The following NCAPH2 variants were observed in gnomAD, a reference collection of about 807,000 sequenced individuals.
The protein encoded by NCAPH2 is condensin-2 complex subunit H2.
Under a neutral mutation model 88.6 loss-of-function variants are expected in NCAPH2, and 56 were observed. The observed-to-expected ratio is 0.63, with a 90% CI of 0.51 to 0.79. The LOEUF (loss-of-function observed/expected upper bound fraction) is 0.79. Among genes scored for constraint, NCAPH2 ranks in the 30% least tolerant of loss-of-function variants. The pLI is 0.00. For missense variants in NCAPH2, 794 were observed against 792.0 expected, an observed-to-expected ratio of 1.00 and a Z score of -0.03; for synonymous variants, 378 against 313.6, an observed-to-expected ratio of 1.21 and a Z score of -2.17.
At position 50,516,486 on chromosome 22, in the gene NCAPH2, A is replaced by G. The variant is rs1200062958; in HGVS notation, c.148A>G (p.Thr50Ala). Residue 50 changes from threonine to alanine, a missense_variant, in exon 2 of 20, where the codon ACA becomes GCA. Physicochemically the swap from Thr to Ala is moderately conservative, Grantham distance 58. Transcript: ENST00000420993. ...CATTTCTTTTGACGAAGGCAAGACC[A>G]CAATGAACTTCATTGAGGCAGCGTT... Reference protein sequence around the residue: ...ICISFDEGKTTMNFIEAALLI... With the variant: ...ICISFDEGKTAMNFIEAALLI... The G allele has an allele frequency of 1.2e-6, 2 of 1,614,066 alleles. No individual in the cohort carries two copies. Among genetic ancestry groups the G allele is most frequent in the South Asian group, 1.1e-5 (1 of 91,086 alleles).
intron 1 of NCAPH2, among the ~76,000 whole-genome samples, chr22:50,511,647 AT>A (rs131821): frequency 3.6e-4 from 46 of 127,620 alleles, no homozygotes; most frequent in African/African-American, 3.7e-4. Context: ...CGCCTGGCTA[AT>A]TTTTTTTTTT....
intron 2 of NCAPH2, 111 bp downstream of exon 2, chr22:50,516,659 T>C (rs2068933436): frequency 2.3e-6 from 2 of 865,204 alleles, no homozygotes; most frequent in Non-Finnish European, 3.7e-6. Flanking sequence ...TACCTCCCTC[T>C]CTCCTCAGGT....
At chr22:50,509,320 C>G (rs1356885237) in intron 1 of NCAPH2, among the ~76,000 whole-genome samples, 1 of 152,178 alleles carries the variant, frequency 6.6e-6, no homozygotes, top group Non-Finnish European at 1.5e-5. Context: ...TCCAGCTGCT[C>G]TCTTGACATC....
rs202114802 is a variant in NCAPH2, at chr22:50,515,647, C to T, written c.109-800C>T. On this transcript the variant is annotated intron_variant, in intron 1 of 19. Coordinates refer to ENST00000420993, the MANE Select transcript of NCAPH2 (RefSeq NM_152299.4). ...TCCTGACCTCATGATCTGCCCGCCT[C>T]GGCCTCCCAAAGTGCTGGGATTACA... The T allele has an allele frequency of 1.1e-4, 127 of 1,147,540 alleles. No homozygotes were observed. The African/African-American group carries it at 1.4e-3, about 12-fold the overall frequency. 71.1% of individuals were successfully genotyped at this position (1,147,540 alleles called of 1,614,324 possible). A position where few individuals can be genotyped will look rare whatever the true frequency, so the allele number is the denominator to read the frequency against.
chr22:50,514,963 C>T (rs1012400002), intron 1 of NCAPH2, among the ~76,000 whole-genome samples: 6 of 152,244 alleles, frequency 3.9e-5, no homozygotes, highest in African/African-American at 1.4e-4. Flanking sequence ...TAGCTGCCTT[C>T]ACGTTCCCTT....
rs1435426639 is a variant in NCAPH2, at chr22:50,524,665, C to T, written c.*1290C>T. 12 of 688,710 alleles carry T rather than the reference C, an allele frequency of 1.7e-5. No homozygotes were observed. The highest frequency in any genetic ancestry group is 3.3e-5 in the Non-Finnish European group (12 of 366,878). The allele number at this position is 688,710 out of a possible 1,614,324, so 42.7% of individuals were successfully genotyped here. ...ATCACCAGCCTGTCACCGCACCCTG[C>T]CCTGCACCTGCACCTCAGCAAGGTG... On this transcript the variant is annotated 3_prime_UTR_variant, in exon 20 of 20. Coordinates refer to ENST00000420993, the MANE Select transcript of NCAPH2 (RefSeq NM_152299.4).
intron 1 of NCAPH2, among the ~76,000 whole-genome samples, chr22:50,510,030 T>G (rs1603440224): frequency 6.6e-6 from 1 of 152,228 alleles, no homozygotes; most frequent in African/African-American, 2.4e-5. Context: ...GTTCACATCA[T>G]TCTGCCTCAG....
Position 50,522,818 on chromosome 22 carries a change from T to C in NCAPH2, c.1426-3T>C. 1 of 1,613,098 alleles carries C rather than the reference T, an allele frequency of 6.2e-7. No homozygotes were observed. The highest frequency in any genetic ancestry group is 8.5e-7 in the Non-Finnish European group (1 of 1,179,862). The stretch of plus-strand genomic sequence containing the variant: ...GCAGTAGCTCCTGCTGATCCTCCCC[T>C]AGGAGCTCTTCATCGCCACCTCCCA... On this transcript the variant is annotated splice_region_variant and splice_polypyrimidine_tract_variant and intron_variant, in intron 17 of 19. Coordinates refer to ENST00000420993, the MANE Select transcript of NCAPH2 (RefSeq NM_152299.4).
At position 50,523,889 on chromosome 22, in the gene NCAPH2, C is replaced by T; in HGVS notation, c.*514C>T. 1.9e-6 allele frequency: 3 copies of T among 1,613,900 alleles called. No individual in the cohort carries two copies. The highest frequency in any genetic ancestry group is 2.5e-6 in the Non-Finnish European group (3 of 1,180,014). ...TCCTGGACGTAGCGGGCCATGGCTT[C>T]AACGTCGTCCCGCTCGGGGTCCACA... is the stretch of plus-strand genomic sequence containing the variant. On this transcript the variant is annotated 3_prime_UTR_variant, in exon 20 of 20. Transcript: ENST00000420993.
At position 50,523,655 on chromosome 22, in the gene NCAPH2, T is replaced by TGTCTGAG; in HGVS notation, c.*281_*287dup. On this transcript the variant is annotated 3_prime_UTR_variant, in exon 20 of 20. Coordinates refer to ENST00000420993, the MANE Select transcript of NCAPH2 (RefSeq NM_152299.4). Reference sequence around the variant, plus strand: ...AAAGCCGCCATGTGCCGCCGCACACTGTCTGAGATCTGCTCAGCCGATCTG... The same window carrying TGTCTGAG: ...AAAGCCGCCATGTGCCGCCGCACACTGTCTGAGGTCTGAGATCTGCTCAGCCGATCTG... The TGTCTGAG allele has an allele frequency of 1.8e-5, 29 of 1,613,896 alleles. No homozygotes were observed. The highest frequency in any genetic ancestry group is 2.5e-5 in the Non-Finnish European group (29 of 1,179,930).
intron 1 of NCAPH2, among the ~76,000 whole-genome samples, chr22:50,510,517 T>G (rs1175682324): frequency 1.3e-5 from 2 of 152,090 alleles, no homozygotes; most frequent in South Asian, 4.2e-4. Flanking sequence ...AACCTCCGAC[T>G]CCCAGGTTCA....
At position 50,524,360 on chromosome 22, in the gene NCAPH2, T is replaced by TGAGCTGAGA; in HGVS notation, c.*990_*998dup. ...AGGGTCCCAGGGAGGACCCGAGGCTTGAGCTGAGAGAGCCTGTGCCAAGCT... is the reference window on the plus strand; with the variant it reads ...AGGGTCCCAGGGAGGACCCGAGGCTTGAGCTGAGAGAGCTGAGAGAGCCTGTGCCAAGCT... On this transcript the variant is annotated 3_prime_UTR_variant, in exon 20 of 20. Coordinates refer to ENST00000420993, the MANE Select transcript of NCAPH2 (RefSeq NM_152299.4). The TGAGCTGAGA allele has an allele frequency of 6.2e-7, 1 of 1,602,204 alleles. No homozygotes were observed. Among genetic ancestry groups the TGAGCTGAGA allele is most frequent in the South Asian group, 1.1e-5 (1 of 91,080 alleles).
intron 2 of NCAPH2, 85 bp downstream of exon 2, chr22:50,516,633 C>T (rs539900713): frequency 5.3e-5 from 67 of 1,266,538 alleles, no homozygotes; most frequent in African/African-American, 2.4e-4. Flanking sequence ...GTGCAGTGGT[C>T]GTCCCGTCTG....
In NCAPH2 at chr22:50,523,403, G is replaced by A; in HGVS notation, c.*28G>A. On this transcript the variant is annotated 3_prime_UTR_variant, in exon 20 of 20. Transcript: ENST00000420993. ...GGGGAGCACCGAGGCAGGGGTGGGGGAATGTGTACTGAGGAGCCGTGTGTC... is the reference window on the plus strand; with the variant it reads ...GGGGAGCACCGAGGCAGGGGTGGGGAAATGTGTACTGAGGAGCCGTGTGTC... 1.3e-6 allele frequency: 2 copies of A among 1,531,346 alleles called. No homozygotes were observed. Among genetic ancestry groups the A allele is most frequent in the South Asian group, 1.2e-5 (1 of 82,544 alleles). 94.9% of individuals were successfully genotyped at this position (1,531,346 alleles called of 1,614,324 possible).
At chr22:50,521,634 C>T in intron 11 of NCAPH2, 25 bp downstream of exon 11, 2 of 1,612,490 alleles carry the variant, frequency 1.2e-6, no homozygotes, top group South Asian at 1.1e-5. Context: ...GGTACCTCCA[C>T]TCAGGTACCC....
rs151334555 is a variant in NCAPH2, at chr22:50,517,121, C to T, written c.211-306C>T. On this transcript the variant is annotated intron_variant, in intron 2 of 19. Transcript: ENST00000420993. ...CACGAGGGGCCTCACCACCAAGGAC[C>T]GTGTGATGAGGCACACTGTGGGAAC... Among the ~76,000 whole-genome samples, 124 of 152,282 alleles carry T rather than the reference C, an allele frequency of 8.1e-4. 2 individuals are homozygous for T. The East Asian group carries it at 0.017, about 21-fold the overall frequency.
Position 50,519,157 on chromosome 22 carries a change from T to G in NCAPH2, c.731-33T>G, listed in dbSNP as rs749109464. 32 of 1,571,414 alleles carry G rather than the reference T, an allele frequency of 2.0e-5. No individual in the cohort carries two copies. The South Asian group carries it at 3.5e-4, about 17-fold the overall frequency. On this transcript the variant is annotated intron_variant, in intron 8 of 19. Transcript: ENST00000420993. The stretch of plus-strand genomic sequence containing the variant: ...TGGTGCCGTCTGGTCTCGGCACTCC[T>G]TGGAGCTGATCACTCTCTTGCTCCC...
In NCAPH2 at chr22:50,518,066, C is replaced by T; in HGVS notation, c.500+14C>T. ...TCCCCTGTACAGGTAGGGATCTGAG[C>T]CCAGCGACGGGGAGGGAGGCCTGCC... On this transcript the variant is annotated intron_variant, in intron 6 of 19. Coordinates refer to ENST00000420993, the MANE Select transcript of NCAPH2 (RefSeq NM_152299.4). 1 of 1,613,658 alleles carries T rather than the reference C, an allele frequency of 6.2e-7. No homozygotes were observed. Among genetic ancestry groups the T allele is most frequent in the Non-Finnish European group, 8.5e-7 (1 of 1,179,734 alleles).
intron 1 of NCAPH2, among the ~76,000 whole-genome samples, chr22:50,510,454 G>A (rs990246293): frequency 2.6e-5 from 4 of 151,994 alleles, no homozygotes; most frequent in African/African-American, 7.2e-5. Context: ...TTGAGATGGA[G>A]TCTTGCTCTG....
Sources: allele counts gnomAD v4.1 joint callset (sites outside exome capture counted in the v4.1 genomes callset), GRCh38; gene constraint gnomAD v4.1.1; transcripts MANE v1.5; gene names NCBI Gene and HGNC (gene_info 2026-07-23, HGNC 2026-07-21).